The following STARD13 variants were observed in gnomAD, a reference collection of about 807,000 sequenced individuals.
The protein encoded by STARD13 is StAR related lipid transfer domain containing 13, also known as stAR-related lipid transfer protein 13.
STARD13 carries 62 observed loss-of-function variants against 106.4 expected under a neutral mutation model. That is an observed-to-expected ratio of 0.58 (90% confidence interval 0.48 to 0.72). The LOEUF is 0.72. Among genes scored for constraint, STARD13 ranks in the 30% least tolerant of loss-of-function variants. STARD13 has a pLI of 0.00. For synonymous variants in STARD13, 565 were observed against 553.0 expected (o/e 1.02, Z -0.31); for missense variants, 1,387 against 1,424.0 (o/e 0.97, Z 0.42).
chr13:33,480,623 G>A, the STARD13 span, among the ~76,000 whole-genome samples: 1,075 of 152,222 alleles, frequency 7.1e-3, 9 homozygotes, highest in African/African-American at 0.025. Context: ...GAAGTACACT[G>A]TAGTACTAAA....
the STARD13 span, among the ~76,000 whole-genome samples, chr13:33,640,063 C>A: frequency 6.6e-6 from 1 of 152,218 alleles, no homozygotes; most frequent in South Asian, 2.1e-4. Context: ...GGTGTACAAT[C>A]TACCATGAGT....
At chr13:33,126,410 G>A (rs1877180460) in intron 6 of STARD13, among the ~76,000 whole-genome samples, 170 bp from the exon 7 acceptor site, 1 of 152,164 alleles carries the variant, frequency 6.6e-6, no homozygotes, top group South Asian at 2.1e-4. Context: ...GCTCTGTGTG[G>A]CCCTTGCCTG....
At chr13:33,418,483 C>T in the STARD13 span, among the ~76,000 whole-genome samples, 2 of 152,238 alleles carry the variant, frequency 1.3e-5, no homozygotes, top group African/African-American at 2.4e-5. Context: ...AGGCCTACAA[C>T]CTCTATGGAC....
chr13:33,295,084 G>C (rs1054336768), intron 1 of STARD13, among the ~76,000 whole-genome samples: 1 of 152,054 alleles, frequency 6.6e-6, no homozygotes, highest in African/African-American at 2.4e-5. Context: ...ATAAAGGCGC[G>C]GGAGGAATAA....
chr13:33,364,606 G>A, the STARD13 span, among the ~76,000 whole-genome samples: 1 of 152,154 alleles, frequency 6.6e-6, no homozygotes, highest in African/African-American at 2.4e-5. Flanking sequence ...AGAAAAAGAG[G>A]AGGCTGGGCG....
chr13:33,643,213 G>A, the STARD13 span, among the ~76,000 whole-genome samples: 1 of 140,624 alleles, frequency 7.1e-6, no homozygotes. Flanking sequence ...AGATAGAGGA[G>A]GACTTTTAGG....
chr13:33,660,190 C>A, the STARD13 span, among the ~76,000 whole-genome samples: 1 of 151,950 alleles, frequency 6.6e-6, no homozygotes, highest in East Asian at 1.9e-4. Context: ...CTGATTTGTA[C>A]TTGTGGGGGT....
the STARD13 span, among the ~76,000 whole-genome samples, chr13:33,507,237 T>A: frequency 5.9e-5 from 9 of 152,174 alleles, no homozygotes; most frequent in Admixed American, 2.0e-4. Context: ...AAGTCAGATA[T>A]TACAGAAATT....
chr13:33,473,454 A>C, the STARD13 span, among the ~76,000 whole-genome samples: 1 of 152,248 alleles, frequency 6.6e-6, no homozygotes, highest in African/African-American at 2.4e-5. Context: ...GCTGCACAGA[A>C]AGCCAATCAC....
chr13:33,589,552 A>G, the STARD13 span, among the ~76,000 whole-genome samples: 3 of 152,102 alleles, frequency 2.0e-5, no homozygotes, highest in Non-Finnish European at 2.9e-5. Context: ...TCATTTCGTT[A>G]TGTACCCAGT....
chr13:33,302,738 G>T (rs1892767798), intron 1 of STARD13, among the ~76,000 whole-genome samples: 1 of 152,160 alleles, frequency 6.6e-6, no homozygotes, highest in African/African-American at 2.4e-5. Context: ...ACAAACCTAT[G>T]AGGTAGTTAC....
intron 1 of STARD13, chr13:33,274,072 T>C (rs1291943927): frequency 2.1e-5 from 3 of 140,452 alleles, no homozygotes; most frequent in Non-Finnish European, 4.6e-5. Context: ...AGCAGAGGCA[T>C]ATCATAAAAA....
At chr13:33,360,658 T>TTCCTTCTGTGTAGACAGAAGGAA in the STARD13 span, among the ~76,000 whole-genome samples, 339 of 33,268 alleles carry the variant, frequency 0.01, 5 homozygotes, top group Non-Finnish European at 0.015. Context: ...GACAGAAGGA[T>TTCCTTCTGTGTAGACAGAAGGAA]TCCTTCTGTG....
the STARD13 span, among the ~76,000 whole-genome samples, chr13:33,451,310 G>A: frequency 6.6e-6 from 1 of 152,200 alleles, no homozygotes; most frequent in East Asian, 1.9e-4. Context: ...AACAATTTCT[G>A]TGGTGATGAG....
At chr13:33,510,763 G>C in the STARD13 span, among the ~76,000 whole-genome samples, 2 of 152,114 alleles carry the variant, frequency 1.3e-5, no homozygotes, top group South Asian at 4.1e-4. Context: ...CCAACTTCAA[G>C]TTTAGTAAGC....
At chr13:33,281,695 C>T (rs1022435433) in intron 1 of STARD13, 4 of 152,138 alleles carry the variant, frequency 2.6e-5, no homozygotes, top group African/African-American at 9.7e-5. Context: ...ACCTCAAAGA[C>T]ATTGTACAAA....
chr13:33,288,964 G>A (rs527897656), upstream of STARD13, among the ~76,000 whole-genome samples: 51 of 152,206 alleles, frequency 3.4e-4, no homozygotes, highest in Middle Eastern at 0.01. Context: ...TATAGTCCCC[G>A]TGTTAGAAGA....
intron 1 of STARD13, among the ~76,000 whole-genome samples, chr13:33,305,400 G>A (rs943044190): frequency 3.9e-5 from 6 of 152,156 alleles, no homozygotes; most frequent in Non-Finnish European, 7.4e-5. Context: ...TTACATCTCC[G>A]TGTCCTCCAC....
At chr13:33,376,681 G>A in the STARD13 span, among the ~76,000 whole-genome samples, 678 of 152,198 alleles carry the variant, frequency 4.5e-3, 4 homozygotes, top group Non-Finnish European at 6.5e-3. Flanking sequence ...ATATAGATAC[G>A]GATTTTTATG....
Sources: gnomAD v4.1 joint callset for allele counts (sites outside exome capture counted in the v4.1 genomes callset) on GRCh38, gnomAD v4.1.1 for gene constraint, MANE v1.5 for transcripts, NCBI Gene and HGNC (gene_info 2026-07-23, HGNC 2026-07-21) for gene names.